PAX7: variants seen among roughly 807,000 people sequenced by gnomAD.
PAX7 encodes paired box 7, also known as paired box protein Pax-7.
In PAX7, 18 loss-of-function variants were observed where a neutral mutation model predicts 50.7. That is an observed-to-expected ratio of 0.36 (90% CI 0.25 to 0.53). The LOEUF (loss-of-function observed/expected upper bound fraction) is 0.53, where lower values mean the gene tolerates loss of function less well. PAX7 is among the 20% of genes least tolerant of loss of function. The pLI, the probability that PAX7 is intolerant of heterozygous loss-of-function variation, is 0.93. For synonymous variants in PAX7, 310 were observed against 290.4 expected, an observed-to-expected ratio of 1.07 and a Z score of -0.69; for missense variants, 644 against 702.9, an observed-to-expected ratio of 0.92 and a Z score of 0.95.
rs1261461523 is a variant in PAX7, at chr1:18,726,077, A to G, written c.1156-9555A>G. ...CTTCTTGGACAATAAGTGGAATGCC[A>G]TTCTGTTCCTCCCTCCGCCCCCACC... On this transcript the variant is annotated intron_variant, in intron 7 of 8. Transcript: ENST00000420770. The surrounding 1 kb of genome is among the most constrained non-coding windows in gnomAD (Gnocchi z 4.8). 1.3e-5 allele frequency among the ~76,000 whole-genome samples: 2 copies of G among 151,148 alleles called. No individual in the cohort carries two copies. The highest frequency in any genetic ancestry group is 4.9e-5 in the African/African-American group (2 of 40,946).
chr1:18,698,830 G>A (rs2089181048), intron 5 of PAX7, among the ~76,000 whole-genome samples: 4 of 152,210 alleles, frequency 2.6e-5, no homozygotes, highest in Admixed American at 2.6e-4. Flanking sequence ...AAAGCCGGCA[G>A]CTCTTGTTTA....
rs139679150 is a variant in PAX7, at chr1:18,684,773, G to A, written c.587-6981G>A. On this transcript the variant is annotated intron_variant, in intron 4 of 8. Transcript: ENST00000420770. ...GCCGCAGCTCAACACCGGGGCCTAT[G>A]TTAAACTGTAAGAAAAGCTGGGTTG... 5.9e-3 allele frequency among the ~76,000 whole-genome samples: 892 copies of A among 152,338 alleles called. 13 individuals carry two copies. Among genetic ancestry groups the A allele is most frequent in the African/African-American group, 0.02 (835 of 41,572 alleles).
Position 18,703,218 on chromosome 1 carries a change from CA to C in PAX7, c.1078del (p.Ser360AlafsTer7). ...SAYGARHSFS[S>X]YSDSFMNPAA... ...CCTACGGAGCCCGCCACAGCTTCTC[CA>C]GCTACTCTGACAGCTTCATGAATCC... On this transcript the variant is annotated frameshift_variant, in exon 7 of 9. Coordinates refer to ENST00000420770, the MANE Select transcript of PAX7 (RefSeq NM_001135254.2). LOFTEE classifies it high-confidence loss of function. 1 of 1,614,214 alleles carries C rather than the reference CA, an allele frequency of 6.2e-7. No homozygotes were observed. Among genetic ancestry groups the C allele is most frequent in the East Asian group, 2.2e-5 (1 of 44,886 alleles).
rs1207943613 is a variant in PAX7 at position 18,651,828 on chromosome 1, C to G, written c.586+15457C>G. On this transcript the variant is annotated intron_variant, in intron 4 of 8. Coordinates refer to ENST00000420770, the MANE Select transcript of PAX7 (RefSeq NM_001135254.2). ...TCCCCCTCTCCCCTCCCCGCCCCCCCCACCCCACCGCCTCTTCATGCACCT... is the reference window on the plus strand; with the variant it reads ...TCCCCCTCTCCCCTCCCCGCCCCCCGCACCCCACCGCCTCTTCATGCACCT... Among the ~76,000 whole-genome samples the G allele has an allele frequency of 4.1e-5, 6 of 146,568 alleles. No homozygotes were observed. The East Asian group carries it at 5.9e-4, about 15-fold the overall frequency.
intron 4 of PAX7, among the ~76,000 whole-genome samples, chr1:18,679,658 G>C (rs618941): frequency 2.0e-5 from 3 of 152,118 alleles, no homozygotes; most frequent in Admixed American, 6.5e-5. Flanking sequence ...CTGTAGGTAC[G>C]TTTTGCATCC....
At chr1:18,671,804 TAAA>T (rs112404710) in intron 4 of PAX7, among the ~76,000 whole-genome samples, 1 of 135,400 alleles carries the variant, frequency 7.4e-6, no homozygotes, top group Admixed American at 7.4e-5. Flanking sequence ...CCTAACTCTA[TAAA>T]AAAAAAAAAA....
At chr1:18,662,195 C>T (rs948590089) in intron 4 of PAX7, among the ~76,000 whole-genome samples, 1 of 152,136 alleles carries the variant, frequency 6.6e-6, no homozygotes, top group Non-Finnish European at 1.5e-5. Flanking sequence ...GCTTTGGTTT[C>T]CCAAAGCCTG....
rs1439836121 is a variant in PAX7 at position 18,631,401 on chromosome 1, C to CA, written c.-202dup. ...CCTCCCCCCAACCTCCACCCCACCT[C>CA]ACCCCCCTCCCCAGCTTCTGGACGC... is the stretch of plus-strand genomic sequence containing the variant. On this transcript the variant is annotated 5_prime_UTR_variant, in exon 1 of 9. Coordinates refer to ENST00000420770, the MANE Select transcript of PAX7 (RefSeq NM_001135254.2). 6.9e-6 allele frequency: 4 copies of CA among 583,206 alleles called. No homozygotes were observed. Among genetic ancestry groups the CA allele is most frequent in the Non-Finnish European group, 1.2e-5 (4 of 323,902 alleles). The allele number at this position is 583,206 out of a possible 1,614,324, so 36.1% of individuals were successfully genotyped here. A position where few individuals can be genotyped will look rare whatever the true frequency, so the allele number is the denominator to read the frequency against.
At chr1:18,702,324 G>A (rs2089233284) in intron 6 of PAX7, among the ~76,000 whole-genome samples, 1 of 152,104 alleles carries the variant, frequency 6.6e-6, no homozygotes, top group African/African-American at 2.4e-5. Flanking sequence ...GGGCGACAGA[G>A]TGAGACTCCA....
intron 4 of PAX7, among the ~76,000 whole-genome samples, chr1:18,681,127 A>G (rs991234211): frequency 6.9e-6 from 1 of 144,896 alleles, no homozygotes. Flanking sequence ...AGATTGTACC[A>G]TTGCACTCCA....
chr1:18,685,399 G>A (rs527565687), intron 4 of PAX7, among the ~76,000 whole-genome samples: 196 of 152,302 alleles, frequency 1.3e-3, no homozygotes, highest in African/African-American at 4.5e-3. Flanking sequence ...TGTGTCCTAG[G>A]CATAGTCCCT....
chr1:18,704,952 A>T (rs778505709), intron 7 of PAX7, among the ~76,000 whole-genome samples: 6 of 152,162 alleles, frequency 3.9e-5, no homozygotes, highest in Non-Finnish European at 8.8e-5. Flanking sequence ...GAATGAGATG[A>T]TCTGTGGAAG....
chr1:18,725,302 G>GCCCCCCC (rs3216186), intron 7 of PAX7, among the ~76,000 whole-genome samples: 2 of 106,358 alleles, frequency 1.9e-5, no homozygotes, highest in Non-Finnish European at 3.9e-5. Flanking sequence ...AGGTGGAGAC[G>GCCCCCCC]CCCCCCCCCC....
intron 3 of PAX7, among the ~76,000 whole-genome samples, chr1:18,635,518 G>A (rs949703165): frequency 7.3e-5 from 11 of 149,798 alleles, no homozygotes; most frequent in African/African-American, 2.8e-4. Context: ...AGGTAGGAAG[G>A]AAGGAAGGAA....
chr1:18,743,845 C>G (rs1292523158), intron 8 of PAX7, among the ~76,000 whole-genome samples: 3 of 152,228 alleles, frequency 2.0e-5, no homozygotes, highest in Non-Finnish European at 4.4e-5. Context: ...CTGGCATTCC[C>G]AAGGTTCATC....
chr1:18,664,441 A>T (rs1027157458), intron 4 of PAX7, among the ~76,000 whole-genome samples: 1 of 152,170 alleles, frequency 6.6e-6, no homozygotes, highest in South Asian at 2.1e-4. Context: ...AGGGAACACC[A>T]TGCCTGGGGA....
intron 4 of PAX7, among the ~76,000 whole-genome samples, chr1:18,687,917 G>C (rs1484395528): frequency 2.0e-5 from 3 of 152,158 alleles, no homozygotes; most frequent in Non-Finnish European, 4.4e-5. Flanking sequence ...AAGGAGACAG[G>C]AAGGAATTAG....
intron 4 of PAX7, among the ~76,000 whole-genome samples, chr1:18,637,121 T>C (rs886464739): frequency 6.6e-6 from 1 of 152,142 alleles, no homozygotes; most frequent in Non-Finnish European, 1.5e-5. Flanking sequence ...GTCTGAGTCC[T>C]GCGCCATGCT....
Position 18,700,695 on chromosome 1 carries a change from G to A in PAX7, c.829G>A (p.Gly277Arg), listed in dbSNP as rs748243081. The A allele has an allele frequency of 1.9e-6, 3 of 1,599,058 alleles. No homozygotes were observed. The South Asian group carries it at 3.4e-5, about 18-fold the overall frequency. The change falls in exon 6 of 9, where the codon GGA (glycine) becomes AGA (arginine). Residue 277 changes from glycine to arginine, a missense_variant. Coordinates refer to ENST00000420770, the MANE Select transcript of PAX7 (RefSeq NM_001135254.2). This position sits in a 1 kb window ranked among gnomAD's most constrained non-coding sequence, Gnocchi z 4.8. Reference sequence around the variant, plus strand: ...CCGCGCCCGTTGGCGTAAGCAGGCAGGAGCCAACCAGCTGGCGGCGTTCAA... The same window carrying A: ...CCGCGCCCGTTGGCGTAAGCAGGCAAGAGCCAACCAGCTGGCGGCGTTCAA... ...NRRARWRKQA[G>R]ANQLAAFNHL...
Sources: allele counts gnomAD v4.1 joint callset (sites outside exome capture counted in the v4.1 genomes callset), GRCh38; gene constraint gnomAD v4.1.1; non-coding constraint Gnocchi (gnomAD v3.1); transcripts MANE v1.5; gene names NCBI Gene and HGNC (gene_info 2026-07-23, HGNC 2026-07-21).